Variants in RBPMS observed in about 807,000 individuals in gnomAD.
RBPMS encodes RNA-binding protein with multiple splicing.
RBPMS carries 7 observed loss-of-function variants against 26.8 expected under a neutral mutation model. That is an observed-to-expected ratio of 0.26 (90% CI 0.15 to 0.49). The LOEUF is 0.49. RBPMS is among the 20% of genes least tolerant of loss of function. RBPMS has a pLI of 0.98. For synonymous variants in RBPMS, 96 were observed against 93.3 expected (o/e 1.03, Z -0.17); for missense variants, 186 against 250.0 (o/e 0.74, Z 1.73).
At chr8:30,542,451 G>T (rs1272675701) in intron 5 of RBPMS, among the ~76,000 whole-genome samples, 1 of 152,118 alleles carries the variant, frequency 6.6e-6, no homozygotes, top group South Asian at 2.1e-4. Context: ...TACTGATCAG[G>T]TAACCACCTC....
At chr8:30,520,549 T>C (rs1822922155) in intron 5 of RBPMS, among the ~76,000 whole-genome samples, 4 of 152,204 alleles carry the variant, frequency 2.6e-5, no homozygotes, top group African/African-American at 4.8e-5. Flanking sequence ...GTCCATCATT[T>C]GTAGGAATGA....
At chr8:30,538,692 GT>G (rs1318695351) in intron 5 of RBPMS, among the ~76,000 whole-genome samples, 1 of 152,224 alleles carries the variant, frequency 6.6e-6, no homozygotes, top group Non-Finnish European at 1.5e-5. Context: ...CAGAAACTGA[GT>G]GGCTTCAATG....
At chr8:30,412,391 T>C (rs558050904) in intron 1 of RBPMS, among the ~76,000 whole-genome samples, 11 of 152,050 alleles carry the variant, frequency 7.2e-5, no homozygotes, top group African/African-American at 2.7e-4. Context: ...ACTGTGGCAG[T>C]CCATGACTGT....
At chr8:30,451,506 G>A (rs1585512650) in intron 1 of RBPMS, among the ~76,000 whole-genome samples, 2 of 152,130 alleles carry the variant, frequency 1.3e-5, no homozygotes, top group Admixed American at 1.3e-4. Context: ...TTGAGATTCT[G>A]ATAGATATGG....
chr8:30,518,687 CTTTTT>C (rs58763494), intron 5 of RBPMS, among the ~76,000 whole-genome samples: 196 of 18,228 alleles, frequency 0.011, 1 homozygote, highest in Middle Eastern at 0.1. Context: ...CCAAGCATGA[CTTTTT>C]TTTTTTTTTT....
At chr8:30,557,292 TC>T (rs999158685) in intron 6 of RBPMS, among the ~76,000 whole-genome samples, 1 of 152,114 alleles carries the variant, frequency 6.6e-6, no homozygotes, top group Non-Finnish European at 1.5e-5. Context: ...AGGAGGAGGT[TC>T]CCAGGCCGCC....
chr8:30,479,201 C>A, intron 3 of RBPMS, 114 bp from the exon 4 acceptor site: 2 of 745,780 alleles, frequency 2.7e-6, no homozygotes, highest in Non-Finnish European at 4.5e-6. Flanking sequence ...TTATTTCTGC[C>A]CATTGCCTGT....
rs149742093 is a variant in RBPMS, at chr8:30,505,796, T to C, written c.397+1360T>C. Among the ~76,000 whole-genome samples, 546 of 152,326 alleles carry C rather than the reference T, an allele frequency of 3.6e-3. 6 individuals are homozygous for C. Among genetic ancestry groups the C allele is most frequent in the African/African-American group, 0.012 (519 of 41,588 alleles). On this transcript the variant is annotated intron_variant, in intron 5 of 8. Transcript: ENST00000397323. The stretch of plus-strand genomic sequence containing the variant: ...ATTGATACTGAAATTGGGCTACTTG[T>C]AGAACTGTAGATGCATTTGTATGCC...
At chr8:30,527,911 C>T (rs1823760068) in intron 5 of RBPMS, among the ~76,000 whole-genome samples, 1 of 152,138 alleles carries the variant, frequency 6.6e-6, no homozygotes, top group Non-Finnish European at 1.5e-5. Flanking sequence ...CATGGTGGCT[C>T]ACGCCTGTAG....
At chr8:30,519,458 C>CTT (rs36017963) in intron 5 of RBPMS, among the ~76,000 whole-genome samples, 6 of 89,490 alleles carry the variant, frequency 6.7e-5, no homozygotes, top group African/African-American at 2.2e-4. Flanking sequence ...GGATCTCTCT[C>CTT]TTTTTTTTTT....
intron 1 of RBPMS, among the ~76,000 whole-genome samples, chr8:30,415,558 C>G (rs1326325438): frequency 1.3e-5 from 2 of 152,204 alleles, no homozygotes; most frequent in Admixed American, 6.5e-5. Flanking sequence ...TTTCATCTAT[C>G]CAGTAAGCAT....
chr8:30,477,126 C>A (rs961541626), intron 2 of RBPMS, among the ~76,000 whole-genome samples: 1 of 152,164 alleles, frequency 6.6e-6, no homozygotes, highest in Non-Finnish European at 1.5e-5. Flanking sequence ...GCCATCGGCT[C>A]ACTGCAAGCT....
chr8:30,442,154 T>C (rs1160838548), intron 1 of RBPMS, among the ~76,000 whole-genome samples: 2 of 152,158 alleles, frequency 1.3e-5, no homozygotes, highest in African/African-American at 4.8e-5. Context: ...CTCGAACTCC[T>C]GGGCTCAAGC....
At chr8:30,545,156 A>G (rs759917276) in intron 6 of RBPMS, 1 of 1,305,568 alleles carries the variant, frequency 7.7e-7, no homozygotes, top group Non-Finnish European at 1.0e-6. Context: ...CCTTCTCTCC[A>G]TTTTCAGGAA....
intron 1 of RBPMS, among the ~76,000 whole-genome samples, chr8:30,419,717 C>T (rs1810530494): frequency 6.6e-6 from 1 of 152,096 alleles, no homozygotes; most frequent in African/African-American, 2.4e-5. Flanking sequence ...TGTGTTTAGA[C>T]TTGGTTCCCA....
chr8:30,385,248 G>A, intron 1 of RBPMS, 90 bp downstream of exon 1: 1 of 911,670 alleles, frequency 1.1e-6, no homozygotes, highest in South Asian at 2.6e-5. Flanking sequence ...GGCGGTGGAA[G>A]AAGGTTCAGG....
At position 30,419,450 on chromosome 8, in the gene RBPMS, ATG is replaced by A. The variant is rs71278690; in HGVS notation, c.66+34324_66+34325del. Among the ~76,000 whole-genome samples the A allele has an allele frequency of 6.3e-4, 90 of 143,200 alleles. 1 individual carries two copies. The highest frequency in any genetic ancestry group is 9.1e-4 in the South Asian group (4 of 4,416). The allele number at this position is 143,200 out of a possible 152,430, so 93.9% of individuals were successfully genotyped here. ...GACAGAGTGAGATTGCATCTCAAAA[ATG>A]TGTGTGTGTGTGTGTGTGTGTGTGT... On this transcript the variant is annotated intron_variant, in intron 1 of 8. Transcript: ENST00000397323.
intron 1 of RBPMS, among the ~76,000 whole-genome samples, chr8:30,438,934 C>T (rs930468093): frequency 2.6e-5 from 4 of 152,072 alleles, no homozygotes; most frequent in Admixed American, 1.3e-4. Context: ...CCACCACACC[C>T]GGCTAATTTT....
chr8:30,481,033 T>C, intron 4 of RBPMS, among the ~76,000 whole-genome samples: 1 of 152,252 alleles, frequency 6.6e-6, no homozygotes, highest in Non-Finnish European at 1.5e-5. Flanking sequence ...TTCTGAACAA[T>C]AGGCTTTTAT....
Sources: gnomAD v4.1 joint callset for allele counts (sites outside exome capture counted in the v4.1 genomes callset) on GRCh38, gnomAD v4.1.1 for gene constraint, MANE v1.5 for transcripts, NCBI Gene and HGNC (gene_info 2026-07-23, HGNC 2026-07-21) for gene names.